JAZF1: variants seen among roughly 807,000 people sequenced by gnomAD.
JAZF1 encodes the protein juxtaposed with another zinc finger protein 1.
A neutral mutation model predicts 26.4 loss-of-function variants in JAZF1; 8 were observed. The ratio of observed to expected loss-of-function variants is 0.30; its 90% CI spans 0.18 to 0.55. The LOEUF (loss-of-function observed/expected upper bound fraction) is 0.55. Ranked by LOEUF, JAZF1 falls within the 20% of genes least tolerant of loss-of-function variation. The pLI is 0.94. For synonymous variants in JAZF1, 126 were observed against 122.3 expected (o/e 1.03, Z -0.20); for missense variants, 199 against 322.0 (o/e 0.62, Z 2.92).
chr7:27,856,436 A>G (rs1489173729), intron 3 of JAZF1, among the ~76,000 whole-genome samples: 16 of 152,158 alleles, frequency 1.1e-4, no homozygotes, highest in Admixed American at 9.2e-4. Flanking sequence ...AAGTTTCCAC[A>G]CTGTGGAAAG....
chr7:27,848,062 A>C (rs571294502), intron 3 of JAZF1, among the ~76,000 whole-genome samples: 2 of 152,300 alleles, frequency 1.3e-5, no homozygotes, highest in Non-Finnish European at 1.5e-5. Flanking sequence ...GTGGTTCTAC[A>C]TCAGTTTAAG....
In JAZF1 at chr7:27,927,628, C is replaced by A. The variant is rs73299469; in HGVS notation, c.189-32212G>T. On this transcript the variant is annotated intron_variant, in intron 2 of 4. Coordinates refer to ENST00000283928, the MANE Select transcript of JAZF1 (RefSeq NM_175061.4). Reference sequence around the variant, plus strand: ...AAAGTAAACTATAAGCCTTTGTGGGCAAGGGCCTCATAGAATCATCAAGCT... The same window carrying A: ...AAAGTAAACTATAAGCCTTTGTGGGAAAGGGCCTCATAGAATCATCAAGCT... 3.4e-3 allele frequency among the ~76,000 whole-genome samples: 519 copies of A among 152,130 alleles called. 3 individuals are homozygous for A. The highest frequency in any genetic ancestry group is 0.012 in the African/African-American group (504 of 41,480).
intron 1 of JAZF1, among the ~76,000 whole-genome samples, chr7:28,021,841 G>C (rs1783013044): frequency 6.6e-6 from 1 of 152,226 alleles, no homozygotes; most frequent in African/African-American, 2.4e-5. Context: ...CCCAGGTGCA[G>C]AGCAGACATT....
rs1167680067 is a variant in JAZF1, at chr7:27,832,133, A to C, written c.*667T>G. On this transcript the variant is annotated 3_prime_UTR_variant, in exon 5 of 5. Transcript: ENST00000283928. ...GTACAAAATGCCATTTATAACACTAAAATGACTAGTAAGTCAGATGGCAAG... is the reference window on the plus strand; with the variant it reads ...GTACAAAATGCCATTTATAACACTACAATGACTAGTAAGTCAGATGGCAAG... 4 of 213,874 alleles carry C rather than the reference A, an allele frequency of 1.9e-5. No individual in the cohort carries two copies. The highest frequency in any genetic ancestry group is 5.9e-5 in the Admixed American group (1 of 17,084). The allele number at this position is 213,874 out of a possible 1,614,324, so 13.2% of individuals were successfully genotyped here.
intron 1 of JAZF1, among the ~76,000 whole-genome samples, chr7:28,090,550 T>C (rs947409456): frequency 2.0e-5 from 3 of 152,224 alleles, no homozygotes; most frequent in African/African-American, 7.2e-5. Context: ...TCTATCTACA[T>C]GAAAAGTAAA....
At chr7:27,845,740 A>T (rs922710069) in intron 3 of JAZF1, among the ~76,000 whole-genome samples, 3 of 151,690 alleles carry the variant, frequency 2.0e-5, no homozygotes, top group South Asian at 2.1e-4. Context: ...AAGAAATTTT[A>T]AAAAAATGTT....
intron 1 of JAZF1, among the ~76,000 whole-genome samples, chr7:28,046,663 G>C (rs1449508401): frequency 6.6e-6 from 1 of 152,144 alleles, no homozygotes; most frequent in African/African-American, 2.4e-5. Flanking sequence ...GCTGGACATT[G>C]CCAATCATTT....
chr7:28,040,114 C>G (rs1562567023), intron 1 of JAZF1, among the ~76,000 whole-genome samples: 1 of 152,100 alleles, frequency 6.6e-6, no homozygotes, highest in Admixed American at 6.6e-5. Context: ...AAAGGGTATT[C>G]TTTACACATG....
chr7:28,110,589 A>AGGGAAAG (rs1562591084), intron 1 of JAZF1, among the ~76,000 whole-genome samples: 15 of 68,286 alleles, frequency 2.2e-4, no homozygotes, highest in African/African-American at 6.2e-4. Context: ...GAAAAGGAAA[A>AGGGAAAG]GGAAAAGGAA....
At position 27,950,952 on chromosome 7, in the gene JAZF1, C is replaced by T. The variant is rs187195124; in HGVS notation, c.188+40957G>A. Among the ~76,000 whole-genome samples the T allele has an allele frequency of 3.0e-4, 46 of 152,130 alleles. 1 individual carries two copies. The East Asian group carries it at 7.9e-3, about 26-fold the overall frequency. On this transcript the variant is annotated intron_variant, in intron 2 of 4. Transcript: ENST00000283928. Reference sequence around the variant, plus strand: ...ACAACTCCTGCATACAAGATAATTTCGTCTTTCTCTTCTAATTTTCTGCAA... The same window carrying T: ...ACAACTCCTGCATACAAGATAATTTTGTCTTTCTCTTCTAATTTTCTGCAA...
intron 1 of JAZF1, among the ~76,000 whole-genome samples, chr7:28,166,880 T>C (rs1055074908): frequency 2.0e-5 from 3 of 152,232 alleles, no homozygotes; most frequent in Admixed American, 6.5e-5. Context: ...TTTCACCTAA[T>C]ATCTCCAAGG....
intron 2 of JAZF1, among the ~76,000 whole-genome samples, chr7:27,918,558 G>A (rs1009100469): frequency 1.3e-5 from 2 of 152,316 alleles, no homozygotes; most frequent in South Asian, 2.1e-4. Flanking sequence ...CTGGAGAATG[G>A]ATGTCAATAT....
At chr7:28,071,898 G>A (rs920237384) in intron 1 of JAZF1, among the ~76,000 whole-genome samples, 4 of 152,178 alleles carry the variant, frequency 2.6e-5, no homozygotes, top group African/African-American at 9.7e-5. Flanking sequence ...AATATGTAAT[G>A]GAACTACTAA....
chr7:27,990,568 A>G (rs1785879406), intron 2 of JAZF1, among the ~76,000 whole-genome samples: 7 of 152,362 alleles, frequency 4.6e-5, no homozygotes, highest in Admixed American at 4.6e-4. Context: ...AGATTTGTAT[A>G]TACATAGGTG....
chr7:27,947,841 T>A (rs1285176295), intron 2 of JAZF1, among the ~76,000 whole-genome samples: 2 of 152,288 alleles, frequency 1.3e-5, no homozygotes, highest in South Asian at 4.2e-4. Flanking sequence ...TTGGCCAGCA[T>A]TGCCTTGAGC....
At chr7:28,126,909 C>G (rs1292297227) in intron 1 of JAZF1, among the ~76,000 whole-genome samples, 1 of 152,136 alleles carries the variant, frequency 6.6e-6, no homozygotes, top group African/African-American at 2.4e-5. Context: ...CCCTACCCCA[C>G]CCCCAGAAAA....
At chr7:27,839,573 G>A (rs75411368) in intron 4 of JAZF1, among the ~76,000 whole-genome samples, 2,234 of 152,188 alleles carry the variant, frequency 0.015, 46 homozygotes, top group African/African-American at 0.047. Context: ...CAAATGCAGC[G>A]CTCCTCTGCC....
At chr7:27,951,476 T>C (rs1174714030) in intron 2 of JAZF1, among the ~76,000 whole-genome samples, 1 of 152,218 alleles carries the variant, frequency 6.6e-6, no homozygotes, top group African/African-American at 2.4e-5. Flanking sequence ...CATCAAAGCA[T>C]AAGCCTTATG....
At position 27,863,008 on chromosome 7, in the gene JAZF1, T is replaced by C. The variant is rs527841018; in HGVS notation, c.386-22141A>G. Among the ~76,000 whole-genome samples, 4 of 152,324 alleles carry C rather than the reference T, an allele frequency of 2.6e-5. No individual in the cohort carries two copies. The East Asian group carries it at 7.7e-4, about 29-fold the overall frequency. Reference sequence around the variant, plus strand: ...GCTTGTGGGGCCCGATGGTCCCATGTGAGGGCTGCTTCTGGGTAGGGCCAC... The same window carrying C: ...GCTTGTGGGGCCCGATGGTCCCATGCGAGGGCTGCTTCTGGGTAGGGCCAC... On this transcript the variant is annotated intron_variant, in intron 3 of 4. Transcript: ENST00000283928.
Sources: allele counts gnomAD v4.1 joint callset (sites outside exome capture counted in the v4.1 genomes callset), GRCh38; gene constraint gnomAD v4.1.1; transcripts MANE v1.5; gene names NCBI Gene and HGNC (gene_info 2026-07-23, HGNC 2026-07-21).